CCDC7: variants seen among roughly 807,000 people sequenced by gnomAD.
The protein encoded by CCDC7 is coiled-coil domain-containing protein 7.
In CCDC7, 183 loss-of-function variants were observed where a neutral mutation model predicts 196.9. The ratio of observed to expected loss-of-function variants is 0.93; its 90% CI spans 0.82 to 1.05. The LOEUF (loss-of-function observed/expected upper bound fraction) is 1.05, where lower values mean the gene tolerates loss of function less well. Ranked by LOEUF, CCDC7 falls within the 50% of genes least tolerant of loss-of-function variation. CCDC7 has a pLI of 0.00. For synonymous variants in CCDC7, 525 were observed against 484.6 expected (o/e 1.08, Z -1.10); for missense variants, 1,540 against 1,482.2 (o/e 1.04, Z -0.64).
chr10:32,696,223 G>T (rs1026435381), intron 24 of CCDC7, among the ~76,000 whole-genome samples: 4 of 152,088 alleles, frequency 2.6e-5, no homozygotes, highest in Admixed American at 2.0e-4. Context: ...GAAGTATGTA[G>T]TGGCTTGAAG....
intron 8 of CCDC7, among the ~76,000 whole-genome samples, chr10:32,477,081 G>A (rs776255507): frequency 6.6e-6 from 1 of 151,208 alleles, no homozygotes; most frequent in Non-Finnish European, 1.5e-5. Context: ...TTTATTTCAC[G>A]AATTGTGCTT....
intron 11 of CCDC7, among the ~76,000 whole-genome samples, chr10:32,537,567 C>T (rs760285393): frequency 1.3e-5 from 2 of 152,080 alleles, no homozygotes; most frequent in African/African-American, 4.8e-5. Context: ...AAATCTTTGC[C>T]AAGTCCTATG....
chr10:32,657,685 T>A (rs2070270954), intron 20 of CCDC7, among the ~76,000 whole-genome samples: 2 of 152,214 alleles, frequency 1.3e-5, no homozygotes, highest in Non-Finnish European at 2.9e-5. Flanking sequence ...GTCTCTGACA[T>A]GACTTGGAGA....
At chr10:32,594,482 A>G (rs538319803) in intron 18 of CCDC7, among the ~76,000 whole-genome samples, 1 of 152,320 alleles carries the variant, frequency 6.6e-6, no homozygotes, top group South Asian at 2.1e-4. Flanking sequence ...ATATACAATC[A>G]TGTCATCTGC....
chr10:32,593,761 A>C lies in CCDC7; in HGVS notation c.1801+9457A>C, dbSNP rs1156567752. Reference sequence around the variant, plus strand: ...GGAAGGGATCCAGTTTCAGCTTTCTACGTATGGCTAGCCAGTTTTCCGAGC... The same window carrying C: ...GGAAGGGATCCAGTTTCAGCTTTCTCCGTATGGCTAGCCAGTTTTCCGAGC... On this transcript the variant is annotated intron_variant, in intron 18 of 41. Transcript: ENST00000639629. Among the ~76,000 whole-genome samples, 5 of 152,148 alleles carry C rather than the reference A, an allele frequency of 3.3e-5. No homozygotes were observed. In the East Asian group the frequency reaches 5.8e-4, roughly 18 times the overall value.
upstream of CCDC7, among the ~76,000 whole-genome samples, chr10:32,444,650 A>G (rs2030558207): frequency 6.6e-6 from 1 of 152,174 alleles, no homozygotes; most frequent in Non-Finnish European, 1.5e-5. Flanking sequence ...TATCCCTTTC[A>G]TTTACAACGG....
chr10:32,659,863 T>C (rs900521939), intron 20 of CCDC7, among the ~76,000 whole-genome samples: 1 of 152,212 alleles, frequency 6.6e-6, no homozygotes, highest in Non-Finnish European at 1.5e-5. Context: ...GGAACACTTA[T>C]ACACAGTTGG....
At chr10:32,686,010 T>C in exon 22 of CCDC7, 1 of 1,590,140 alleles carries the variant, frequency 6.3e-7, no homozygotes, top group Non-Finnish European at 8.5e-7. Context: ...TAGTTGAGCA[T>C]CAAGAATCAT....
intron 34 of CCDC7, 64 bp from the exon 36 acceptor site, chr10:32,845,479 A>C (rs972076085): frequency 7.1e-7 from 1 of 1,401,308 alleles, no homozygotes. Flanking sequence ...TAAACACAAA[A>C]ACACACACAA....
intron 28 of CCDC7, among the ~76,000 whole-genome samples, chr10:32,754,476 C>G (rs1166362051): frequency 6.6e-6 from 1 of 151,988 alleles, no homozygotes; most frequent in Non-Finnish European, 1.5e-5. Flanking sequence ...ATCAAAATAC[C>G]AGTGGTTGAT....
chr10:32,626,780 A>G (rs144136858), intron 18 of CCDC7, among the ~76,000 whole-genome samples: 5 of 152,014 alleles, frequency 3.3e-5, no homozygotes, highest in East Asian at 1.9e-4. Context: ...TGAGTATCCA[A>G]TTTTCCTAAC....
intron 20 of CCDC7, among the ~76,000 whole-genome samples, chr10:32,642,351 G>A (rs1380395872): frequency 1.3e-5 from 2 of 152,168 alleles, no homozygotes; most frequent in Admixed American, 6.5e-5. Flanking sequence ...TGGCAATGGC[G>A]GGCGCCCCTC....
intron 15 of CCDC7, among the ~76,000 whole-genome samples, chr10:32,568,116 C>T (rs547695228): frequency 1.1e-4 from 17 of 149,672 alleles, no homozygotes; most frequent in South Asian, 8.7e-4. Context: ...AAGGGATTCT[C>T]CTGCCTCCGC....
intron 13 of CCDC7, among the ~76,000 whole-genome samples, chr10:32,547,768 A>G (rs895679641): frequency 5.9e-5 from 9 of 151,936 alleles, no homozygotes; most frequent in Non-Finnish European, 1.3e-4. Context: ...ATACTTTCTT[A>G]GTTGTTTTTG....
chr10:32,545,092 T>A (rs1217706098), intron 13 of CCDC7, among the ~76,000 whole-genome samples: 2 of 152,222 alleles, frequency 1.3e-5, no homozygotes, highest in African/African-American at 4.8e-5. Flanking sequence ...GCAACGTTAT[T>A]TCTCTTGTCT....
chr10:32,826,187 G>C (rs773488045), intron 32 of CCDC7, among the ~76,000 whole-genome samples: 5 of 152,156 alleles, frequency 3.3e-5, no homozygotes, highest in Non-Finnish European at 5.9e-5. Flanking sequence ...TAAAGTCCCA[G>C]CAGTCCCCTA....
intron 29 of CCDC7, among the ~76,000 whole-genome samples, chr10:32,799,290 T>C (rs903751338): frequency 2.6e-5 from 4 of 152,164 alleles, no homozygotes; most frequent in Non-Finnish European, 4.4e-5. Context: ...TCCACTGTGA[T>C]TCACCTATGG....
intron 28 of CCDC7, among the ~76,000 whole-genome samples, chr10:32,776,409 T>G (rs898299756): frequency 2.0e-5 from 3 of 152,170 alleles, no homozygotes; most frequent in Non-Finnish European, 4.4e-5. Flanking sequence ...TATTTTACCT[T>G]GCTCTTTATG....
chr10:32,529,407 C>CT (rs2049270899), intron 11 of CCDC7, among the ~76,000 whole-genome samples: 1 of 152,136 alleles, frequency 6.6e-6, no homozygotes. Flanking sequence ...AAAGTGTACC[C>CT]TTTTTACTAT....
Sources: gnomAD v4.1 joint callset for allele counts (sites outside exome capture counted in the v4.1 genomes callset) on GRCh38, gnomAD v4.1.1 for gene constraint, MANE v1.5 for transcripts, NCBI Gene and HGNC (gene_info 2026-07-23, HGNC 2026-07-21) for gene names.